Variants in RABGAP1 observed in about 807,000 individuals in gnomAD.
RABGAP1 encodes RAB GTPase activating protein 1, also known as rab GTPase-activating protein 1.
A neutral mutation model predicts 137.6 loss-of-function variants in RABGAP1; 23 were observed. The observed-to-expected ratio is 0.17, with a 90% CI of 0.12 to 0.24. RABGAP1 has a LOEUF of 0.24. RABGAP1 is among the 10% of genes least tolerant of loss of function. RABGAP1 has a pLI of 1.00. For missense variants in RABGAP1, 906 were observed against 1,275.8 expected (o/e 0.71, Z 4.42); for synonymous variants, 451 against 450.7 (o/e 1.00, Z -0.01).
intron 20 of RABGAP1, 57 bp downstream of exon 20, chr9:123,089,907 T>G: frequency 7.0e-7 from 1 of 1,433,766 alleles, no homozygotes; most frequent in Non-Finnish European, 9.7e-7. Flanking sequence ...TTCATATGAT[T>G]GCGCCTGTAA....
chr9:123,059,487 G>A (rs1275752889), intron 13 of RABGAP1, among the ~76,000 whole-genome samples: 5 of 152,258 alleles, frequency 3.3e-5, no homozygotes, highest in South Asian at 2.1e-4. Flanking sequence ...CCCGGGAGGC[G>A]GAGGTTGCGG....
intron 2 of RABGAP1, among the ~76,000 whole-genome samples, chr9:122,958,441 C>T (rs1437585274): frequency 6.6e-6 from 1 of 152,052 alleles, no homozygotes; most frequent in Non-Finnish European, 1.5e-5. Flanking sequence ...TGTGGATAAA[C>T]AGTGAACAAC....
intron 13 of RABGAP1, among the ~76,000 whole-genome samples, chr9:123,039,116 A>G (rs1425384632): frequency 6.6e-6 from 1 of 152,178 alleles, no homozygotes; most frequent in African/African-American, 2.4e-5. Context: ...CCATTCTTCT[A>G]CATGTAAGGA....
chr9:123,101,594 G>A lies in RABGAP1; in HGVS notation c.2918G>A (p.Arg973Gln), dbSNP rs765066888. 36 of 1,613,824 alleles carry A rather than the reference G, an allele frequency of 2.2e-5. No individual in the cohort carries two copies. Among genetic ancestry groups the A allele is most frequent in the Admixed American group, 5.0e-5 (3 of 59,964 alleles). ...RQKVDDCERC[R>Q]EFFNKEGRVK... ...AAAGTGGATGACTGTGAGCGGTGCC[G>A]GGAATTTTTCAACAAAGAAGGGCGT... Residue 973 changes from arginine (R) to glutamine (Q), a missense_variant, in exon 25 of 26, where the codon CGG becomes CAG. Arg to Gln is a conservative substitution (Grantham distance 43, BLOSUM62 1). Coordinates refer to ENST00000373647, the MANE Select transcript of RABGAP1 (RefSeq NM_012197.4).
At chr9:123,093,846 G>C (rs2035102137) in intron 21 of RABGAP1, among the ~76,000 whole-genome samples, 1 of 152,200 alleles carries the variant, frequency 6.6e-6, no homozygotes. Context: ...GAGGTTCATG[G>C]AATCTGTAGA....
At chr9:122,936,303 C>T (rs1833386826), upstream of RABGAP1, among the ~76,000 whole-genome samples, 1 of 152,132 alleles carries the variant, frequency 6.6e-6, no homozygotes, top group African/African-American at 2.4e-5. Flanking sequence ...GCTTTATTTA[C>T]TGTTCACTTT....
intron 13 of RABGAP1, among the ~76,000 whole-genome samples, chr9:123,025,610 T>G (rs2131954155): frequency 6.6e-6 from 1 of 150,402 alleles, no homozygotes; most frequent in African/African-American, 2.5e-5. Flanking sequence ...AGCTTTATTG[T>G]TAAATTGGTT....
At chr9:123,008,412 G>A (rs187416346) in intron 10 of RABGAP1, among the ~76,000 whole-genome samples, 3,552 of 152,062 alleles carry the variant, frequency 0.023, 59 homozygotes, top group Non-Finnish European at 0.038. Context: ...GGGCATAGTG[G>A]CGGGCTCCTG....
chr9:122,936,721 T>A (rs972521979), upstream of RABGAP1, among the ~76,000 whole-genome samples: 2 of 152,202 alleles, frequency 1.3e-5, no homozygotes, highest in Non-Finnish European at 2.9e-5. Flanking sequence ...TGAACCTCTT[T>A]CCAAGGGTTT....
At chr9:122,987,975 CTGTGTGT>C (rs1272436160) in intron 4 of RABGAP1, among the ~76,000 whole-genome samples, 1 of 152,066 alleles carries the variant, frequency 6.6e-6, no homozygotes, top group Non-Finnish European at 1.5e-5. Flanking sequence ...AGAGTAATAG[CTGTGTGT>C]TGATTGTAGT....
At chr9:123,057,308 C>T (rs1160945849) in intron 13 of RABGAP1, among the ~76,000 whole-genome samples, 93 of 147,852 alleles carry the variant, frequency 6.3e-4, no homozygotes, top group African/African-American at 2.3e-3. Context: ...GGGCGGTTGC[C>T]GGGCGGAGGG....
rs1440647312 is a variant in RABGAP1 at position 123,070,264 on chromosome 9, G to T, written c.1909-86G>T. The T allele has an allele frequency of 4.5e-5, 72 of 1,585,720 alleles. No individual in the cohort carries two copies. Among genetic ancestry groups the T allele is most frequent in the Non-Finnish European group, 6.2e-5 (72 of 1,166,430 alleles). ...CCCAGTGTGGGTAGCATCCTCCAGGGTTCTGTATTCAAGGTCCTATAGTGC... is the reference window on the plus strand; with the variant it reads ...CCCAGTGTGGGTAGCATCCTCCAGGTTTCTGTATTCAAGGTCCTATAGTGC... On this transcript the variant is annotated intron_variant, in intron 14 of 25. Coordinates refer to ENST00000373647, the MANE Select transcript of RABGAP1 (RefSeq NM_012197.4). The surrounding 1 kb of genome is among the most constrained non-coding windows in gnomAD (Gnocchi z 4.4).
chr9:123,019,590 C>G (rs2031478447), intron 12 of RABGAP1, among the ~76,000 whole-genome samples: 1 of 152,210 alleles, frequency 6.6e-6, no homozygotes, highest in South Asian at 2.1e-4. Flanking sequence ...AGTGGAACTA[C>G]ATGAGTCACC....
intron 2 of RABGAP1, among the ~76,000 whole-genome samples, chr9:122,972,325 A>T (rs1395814098): frequency 1.3e-5 from 2 of 152,186 alleles, no homozygotes; most frequent in Admixed American, 1.3e-4. Flanking sequence ...TACTCAGTGG[A>T]TTAAAACTAT....
chr9:122,989,207 C>G (rs761923787), intron 4 of RABGAP1, 90 bp from the exon 5 acceptor site: 84 of 1,197,490 alleles, frequency 7.0e-5, no homozygotes, highest in Non-Finnish European at 9.1e-5. Flanking sequence ...GATCTTCTTA[C>G]TAGAAAGAAT....
chr9:122,954,513 GTGTAAT>G (rs1834408005), intron 1 of RABGAP1, among the ~76,000 whole-genome samples: 1 of 152,198 alleles, frequency 6.6e-6, no homozygotes, highest in Admixed American at 6.5e-5. Flanking sequence ...CAGTTCCTTA[GTGTAAT>G]TACCAAAGTA....
chr9:123,007,365 G>GA lies in RABGAP1; in HGVS notation c.1375-2988dup, dbSNP rs1234498768. Reference sequence around the variant, plus strand: ...GCTGGGATTATAGGCGTGAGCTACTGAGCCTGGCTTTTTTTTTTTTTTTTT... The same window carrying GA: ...GCTGGGATTATAGGCGTGAGCTACTGAAGCCTGGCTTTTTTTTTTTTTTTTT... On this transcript the variant is annotated intron_variant, in intron 10 of 25. Transcript: ENST00000373647. Among the ~76,000 whole-genome samples, 7 of 145,220 alleles carry GA rather than the reference G, an allele frequency of 4.8e-5. No homozygotes were observed. The East Asian group carries it at 1.5e-3, about 31-fold the overall frequency.
intron 19 of RABGAP1, 193 bp from the exon 20 acceptor site, chr9:123,089,565 C>T: frequency 5.6e-6 from 3 of 538,870 alleles, no homozygotes; most frequent in Non-Finnish European, 9.9e-6. Context: ...CAACAGAACT[C>T]TAAACGCATT....
At chr9:122,982,462 G>A (rs1836121152) in intron 2 of RABGAP1, among the ~76,000 whole-genome samples, 1 of 152,190 alleles carries the variant, frequency 6.6e-6, no homozygotes, top group Non-Finnish European at 1.5e-5. Context: ...GATCAAAACA[G>A]TACTTCACAG....
Sources: allele counts gnomAD v4.1 joint callset (sites outside exome capture counted in the v4.1 genomes callset), GRCh38; gene constraint gnomAD v4.1.1; non-coding constraint Gnocchi (gnomAD v3.1); transcripts MANE v1.5; gene names NCBI Gene and HGNC (gene_info 2026-07-23, HGNC 2026-07-21).